FPGS: variants seen among roughly 807,000 people sequenced by gnomAD.
The protein encoded by FPGS is folylpolyglutamate synthase, mitochondrial.
Under a neutral mutation model 66.5 loss-of-function variants are expected in FPGS, and 53 were observed. The observed-to-expected ratio is 0.80, with a 90% confidence interval of 0.64 to 1.00. The LOEUF (loss-of-function observed/expected upper bound fraction) is 1.00, where lower values mean the gene tolerates loss of function less well. FPGS is among the 50% of genes least tolerant of loss of function. FPGS has a pLI of 0.00. For synonymous variants in FPGS, 348 were observed against 350.9 expected (o/e 0.99, Z 0.09); for missense variants, 702 against 807.7 (o/e 0.87, Z 1.59).
chr9:127,806,995 C>T lies in FPGS; in HGVS notation c.409C>T (p.Arg137Trp). Residue 137 changes from arginine to tryptophan, a missense_variant, in exon 5 of 15, where the codon CGG (arginine) becomes TGG (tryptophan). By Grantham distance (101) the Arg-to-Trp change is moderately radical. Transcript: ENST00000373247. ...CAGCTCTCCCCACCTGGTGCAGGTT[C>T]GGGAGCGGATCCGCATCAATGGGCA... Reference protein sequence around the residue: ...FFSSPHLVQVRERIRINGQPI... With the variant: ...FFSSPHLVQVWERIRINGQPI... 1.9e-6 allele frequency: 3 copies of T among 1,614,042 alleles called. No individual in the cohort carries two copies. The highest frequency in any genetic ancestry group is 2.5e-6 in the Non-Finnish European group (3 of 1,179,954).
intron 4 of FPGS, 107 bp downstream of exon 4, chr9:127,804,807 A>G (rs1031916130): frequency 6.1e-6 from 6 of 986,322 alleles, no homozygotes; most frequent in Non-Finnish European, 9.8e-6. Context: ...GGTCAGCTGC[A>G]TGTCTCTCTG....
chr9:127,804,631 TCAA>T lies in FPGS; in HGVS notation c.322-4_322-2del. ...GCCTGCCCAGACAATCCCTTTTCTT[TCAA>T]GGGCTCCACCTGTGCCTTCACGGAA... is the stretch of plus-strand genomic sequence containing the variant. On this transcript the variant is annotated splice_acceptor_variant and splice_polypyrimidine_tract_variant and intron_variant, in intron 3 of 14. Coordinates refer to ENST00000373247, the MANE Select transcript of FPGS (RefSeq NM_004957.6). LOFTEE classifies it high-confidence loss of function. The T allele has an allele frequency of 6.2e-7, 1 of 1,614,138 alleles. No individual in the cohort carries two copies. Among genetic ancestry groups the T allele is most frequent in the Non-Finnish European group, 8.5e-7 (1 of 1,180,008 alleles).
intron 11 of FPGS, among the ~76,000 whole-genome samples, chr9:127,809,100 A>G (rs1205906718): frequency 6.6e-6 from 1 of 152,058 alleles, no homozygotes; most frequent in Non-Finnish European, 1.5e-5. Flanking sequence ...AAAGTAGATG[A>G]TGATAGGAGC....
Position 127,813,541 on chromosome 9 carries a change from C to T in FPGS, c.1701C>T (p.Val567=). The part of the protein sequence containing the change: ...LREAAAIHVL[V]TGSLHLVGGV... ...AGGCTGCTGCCATCCATGTGCTAGT[C>T]ACTGGCAGCCTGCACCTGGTGGGTG... The change falls in exon 15 of 15, where the codon GTC becomes GTT. Residue 567 remains valine (V), a synonymous_variant. Transcript: ENST00000373247. 6.2e-7 allele frequency: 1 copy of T among 1,601,950 alleles called. No homozygotes were observed. The highest frequency in any genetic ancestry group is 1.3e-5 in the African/African-American group (1 of 74,834).
rs555199289 is a variant in FPGS at position 127,807,393 on chromosome 9, C to A, written c.580-28C>A. The A allele has an allele frequency of 6.2e-7, 1 of 1,613,104 alleles. No individual in the cohort carries two copies. Among genetic ancestry groups the A allele is most frequent in the Non-Finnish European group, 8.5e-7 (1 of 1,179,390 alleles). On this transcript the variant is annotated intron_variant, in intron 6 of 14. Coordinates refer to ENST00000373247, the MANE Select transcript of FPGS (RefSeq NM_004957.6). This position sits in a 1 kb window ranked among gnomAD's most constrained non-coding sequence, Gnocchi z 5.8. ...TGCGGCCTCTGGGCACCCTCATATC[C>A]CCTGCCATGCCCTCTGGTCTTTGAC...
intron 14 of FPGS, among the ~76,000 whole-genome samples, chr9:127,812,742 A>T (rs1029253075): frequency 1.3e-5 from 2 of 151,606 alleles, no homozygotes; most frequent in Non-Finnish European, 2.9e-5. Context: ...GGCCAGGCTG[A>T]TCTTGAACTC....
At position 127,807,676 on chromosome 9, in the gene FPGS, G is replaced by A. The variant is rs375974912; in HGVS notation, c.732G>A (p.Gly244=). The change falls in exon 8 of 15, where the codon GGG becomes GGA. Residue 244 remains glycine (G), a synonymous_variant. Transcript: ENST00000373247. This position sits in a 1 kb window ranked among gnomAD's most constrained non-coding sequence, Gnocchi z 5.8. The part of the protein sequence containing the change: ...DTVEKIAWQK[G]GIFKQGVPAF... ...TGGAGAAGATCGCATGGCAGAAAGG[G>A]GGCATCTTTAAGGTGACCAGGCAGA... 3.8e-6 allele frequency: 6 copies of A among 1,590,104 alleles called. No individual in the cohort carries two copies. In the African/African-American group the frequency reaches 5.5e-5, roughly 14 times the overall value.
In FPGS at chr9:127,813,907, T is replaced by G; in HGVS notation, c.*303T>G. ...GCCTCCTGGCTCAGGCCCAGCTTAT[T>G]GTGTGCGCTGCCTGGCCAGGCCCTG... On this transcript the variant is annotated 3_prime_UTR_variant, in exon 15 of 15. Transcript: ENST00000373247. 8.6e-7 allele frequency: 1 copy of G among 1,164,634 alleles called. No homozygotes were observed. Among genetic ancestry groups the G allele is most frequent in the Non-Finnish European group, 1.1e-6 (1 of 945,288 alleles). 72.1% of individuals were successfully genotyped at this position (1,164,634 alleles called of 1,614,324 possible). A position where few individuals can be genotyped will look rare whatever the true frequency, so the allele number is the denominator to read the frequency against.
chr9:127,804,260 A>C, intron 1 of FPGS, 25 bp from the exon 2 acceptor site: 2 of 1,611,078 alleles, frequency 1.2e-6, no homozygotes, highest in Non-Finnish European at 1.7e-6. Flanking sequence ...GCCTTAACCT[A>C]CTATCTGGGC....
rs1157012800 is a variant in FPGS at position 127,809,935 on chromosome 9, C to G, written c.1212-96C>G. 1.2e-5 allele frequency: 15 copies of G among 1,250,258 alleles called. No individual in the cohort carries two copies. The East Asian group carries it at 2.3e-4, about 19-fold the overall frequency. The allele number at this position is 1,250,258 out of a possible 1,614,324, so 77.4% of individuals were successfully genotyped here. ...GGTCGTGGGGAAGGGCGGGGGCGGG[C>G]CCATGGGGAGGGGCGGGGTCGTGGG... On this transcript the variant is annotated intron_variant, in intron 12 of 14. Coordinates refer to ENST00000373247, the MANE Select transcript of FPGS (RefSeq NM_004957.6).
intron 14 of FPGS, among the ~76,000 whole-genome samples, chr9:127,812,469 T>C (rs1830120042): frequency 6.6e-6 from 1 of 151,852 alleles, no homozygotes; most frequent in Non-Finnish European, 1.5e-5. Context: ...TAGCCGGGAC[T>C]ACAGGTGCAC....
At position 127,804,533 on chromosome 9, in the gene FPGS, T is replaced by C. The variant is rs1290603620; in HGVS notation, c.302T>C (p.Val101Ala). The C allele has an allele frequency of 6.2e-7, 1 of 1,614,014 alleles. No individual in the cohort carries two copies. The change falls in exon 3 of 15, where the codon GTC (valine) becomes GCC (alanine). Residue 101 changes from valine (V) to alanine (A), a missense_variant. This residue lies in a region of FPGS where 240 missense variants were observed against 348.6 expected (regional missense o/e 0.69). Coordinates refer to ENST00000373247, the MANE Select transcript of FPGS (RefSeq NM_004957.6). ...TTGGACCGGCTGAACATCATCCACG[T>C]CACTGGGACGAAGGGGAAGGTGAGG... ...EDLDRLNIIH[V>A]TGTKGKGSTC...
chr9:127,811,153 T>A, intron 14 of FPGS, 142 bp downstream of exon 14: 1 of 430,792 alleles, frequency 2.3e-6, no homozygotes, highest in Non-Finnish European at 4.2e-6. Flanking sequence ...TACTCTTTTA[T>A]ACACCAAAGT....
In FPGS at chr9:127,810,121, TG is replaced by T. The variant is rs763019406; in HGVS notation, c.1287+20del. 6.2e-7 allele frequency: 1 copy of T among 1,610,924 alleles called. No homozygotes were observed. Among genetic ancestry groups the T allele is most frequent in the South Asian group, 1.1e-5 (1 of 90,826 alleles). ...AGCTGCTGCAGGTGAGGGGCCAACT[TG>T]GGGGTGGGCGGCAGGCAGTCCTGAA... is the stretch of plus-strand genomic sequence containing the variant. On this transcript the variant is annotated intron_variant, in intron 13 of 14. Coordinates refer to ENST00000373247, the MANE Select transcript of FPGS (RefSeq NM_004957.6).
In FPGS at chr9:127,808,561, C is replaced by T. The variant is rs1829918139; in HGVS notation, c.826C>T (p.Pro276Ser). Residue 276 changes from proline to serine, a missense_variant, in exon 10 of 15, where the codon CCT becomes TCT. By Grantham distance (74) the Pro-to-Ser change is moderately conservative. This residue lies in a region of FPGS where 240 missense variants were observed against 348.6 expected (regional missense o/e 0.69). Transcript: ENST00000373247. ...CGCTCCTGCCTGTCTCCCCTAGTGT[C>T]CTCTATACCTGTGTCCGATGCTGGA... Reference protein sequence around the residue: ...LRDRAQQISCPLYLCPMLEAL... With the variant: ...LRDRAQQISCSLYLCPMLEAL... The T allele has an allele frequency of 1.2e-6, 2 of 1,612,664 alleles. No individual in the cohort carries two copies. Among genetic ancestry groups the T allele is most frequent in the Non-Finnish European group, 1.7e-6 (2 of 1,179,842 alleles).
Position 127,813,767 on chromosome 9 carries a change from A to C in FPGS, c.*163A>C. The C allele has an allele frequency of 7.6e-7, 1 of 1,315,690 alleles. No homozygotes were observed. The highest frequency in any genetic ancestry group is 9.6e-7 in the Non-Finnish European group (1 of 1,039,534). The allele number at this position is 1,315,690 out of a possible 1,614,324, so 81.5% of individuals were successfully genotyped here. The stretch of plus-strand genomic sequence containing the variant: ...AGGCCGGGAGAGGATGTCTTTTTTA[A>C]GGCTCTGTGCCTTGGTCTCTCCTTC... On this transcript the variant is annotated 3_prime_UTR_variant, in exon 15 of 15. Transcript: ENST00000373247.
rs1242267946 is a variant in FPGS at position 127,808,218 on chromosome 9, C to G, written c.745-16C>G. 5 of 1,610,244 alleles carry G rather than the reference C, an allele frequency of 3.1e-6. No homozygotes were observed. Among genetic ancestry groups the G allele is most frequent in the Non-Finnish European group, 3.4e-6 (4 of 1,176,684 alleles). On this transcript the variant is annotated splice_polypyrimidine_tract_variant and intron_variant, in intron 8 of 14. Coordinates refer to ENST00000373247, the MANE Select transcript of FPGS (RefSeq NM_004957.6). ...GATGCTAGGTAGCCCTTTCTCTCTC[C>G]TTCTTCCCTCCACAGCAAGGTGTCC...
chr9:127,808,132 G>T, intron 8 of FPGS, 102 bp from the exon 9 acceptor site: 1 of 825,304 alleles, frequency 1.2e-6, no homozygotes, highest in East Asian at 2.5e-5. Context: ...GAAACATGAG[G>T]GATGAGAGAC....
chr9:127,813,511 C>T lies in FPGS; in HGVS notation c.1671C>T (p.Leu557=). 6.2e-7 allele frequency: 1 copy of T among 1,612,064 alleles called. No individual in the cohort carries two copies. The change falls in exon 15 of 15, where the codon CTC becomes CTT. Residue 557 remains leucine (L), a synonymous_variant. Coordinates refer to ENST00000373247, the MANE Select transcript of FPGS (RefSeq NM_004957.6). ...TGGCTCACAGTGGGGCCAGCATACT[C>T]CGTGAGGCTGCTGCCATCCATGTGC... ...HPVAHSGASI[L]REAAAIHVLV...
Sources: allele counts gnomAD v4.1 joint callset (sites outside exome capture counted in the v4.1 genomes callset), GRCh38; gene constraint gnomAD v4.1.1; regional missense constraint gnomAD v4.1.1; non-coding constraint Gnocchi (gnomAD v3.1); transcripts MANE v1.5; gene names NCBI Gene and HGNC (gene_info 2026-07-23, HGNC 2026-07-21).